PCDHGC4: variants seen among roughly 807,000 people sequenced by gnomAD.
PCDHGC4 encodes protocadherin gamma-C4.
In PCDHGC4, 15 loss-of-function variants were observed where a neutral mutation model predicts 59.7. The observed-to-expected ratio is 0.25, with a 90% confidence interval of 0.17 to 0.39. The LOEUF (loss-of-function observed/expected upper bound fraction) is 0.39. PCDHGC4 is among the 10% of genes least tolerant of loss of function. PCDHGC4 has a pLI of 1.00. For missense variants in PCDHGC4, 1,016 were observed against 1,189.5 expected (o/e 0.85, Z 2.15); for synonymous variants, 434 against 481.4 (o/e 0.90, Z 1.29).
rs11343387 is a variant in PCDHGC4 at position 141,497,209 on chromosome 5, TGG to T, written c.2501+2352_2501+2353del. On this transcript the variant is annotated intron_variant, in intron 2 of 3. Transcript: ENST00000306593. ...GAGGCAGAGAACAATGTGAGTGTAATGGGGGGGGGAAGATCAGAGAAGGCTTC... is the reference window on the plus strand; with the variant it reads ...GAGGCAGAGAACAATGTGAGTGTAATGGGGGGGAAGATCAGAGAAGGCTTC... Among the ~76,000 whole-genome samples the T allele has an allele frequency of 3.8e-3, 569 of 151,352 alleles. 5 individuals are homozygous for T. Among genetic ancestry groups the T allele is most frequent in the Admixed American group, 0.011 (162 of 15,190 alleles).
chr5:141,500,877 A>ATTT (rs369345007), intron 2 of PCDHGC4, among the ~76,000 whole-genome samples: 1 of 122,288 alleles, frequency 8.2e-6, no homozygotes, highest in Admixed American at 8.0e-5. Context: ...TTCATTTACA[A>ATTT]TTTTTTTTTT....
At chr5:141,502,534 C>T (rs565889110) in intron 2 of PCDHGC4, among the ~76,000 whole-genome samples, 10 of 152,074 alleles carry the variant, frequency 6.6e-5, no homozygotes, top group Non-Finnish European at 1.0e-4. Context: ...CGAGTTTGTT[C>T]GTGTGGTAAA....
In PCDHGC4 at chr5:141,486,645, C is replaced by G. The variant is rs369948556; in HGVS notation, c.1472C>G (p.Ser491Cys). ...GACTCTGGCTTGAATGCGCTTATCT[C>G]CTACTCACTCCTGGAGCCCAGGAAT... ...DPDSGLNALISYSLLEPRNRD... is the reference protein window; with the variant it reads ...DPDSGLNALICYSLLEPRNRD... The change falls in exon 1 of 4, where the codon TCC (serine) becomes TGC (cysteine). Residue 491 changes from serine (S) to cysteine (C), a missense_variant. Coordinates refer to ENST00000306593, the MANE Select transcript of PCDHGC4 (RefSeq NM_018928.3). The surrounding 1 kb of genome is among the most constrained non-coding windows in gnomAD (Gnocchi z 5.0). 4.3e-6 allele frequency: 7 copies of G among 1,613,752 alleles called. No individual in the cohort carries two copies. The Admixed American group carries it at 6.7e-5, about 15-fold the overall frequency.
intron 1 of PCDHGC4, among the ~76,000 whole-genome samples, chr5:141,488,434 C>T (rs1231743982): frequency 2.6e-5 from 4 of 152,166 alleles, no homozygotes; most frequent in African/African-American, 7.2e-5. Flanking sequence ...TGGCCTCTGA[C>T]CACCCTCCTG....
chr5:141,500,394 A>G (rs1024641290), intron 2 of PCDHGC4, among the ~76,000 whole-genome samples: 1 of 151,922 alleles, frequency 6.6e-6, no homozygotes, highest in Non-Finnish European at 1.5e-5. Flanking sequence ...TATTTTTAGT[A>G]GAGACGGGGT....
At position 141,491,733 on chromosome 5, in the gene PCDHGC4, TGGGGGCGGCAC is replaced by T; in HGVS notation, c.2443-3073_2443-3063del. 1.9e-6 allele frequency: 3 copies of T among 1,602,698 alleles called. No individual in the cohort carries two copies. The highest frequency in any genetic ancestry group is 2.6e-6 in the Non-Finnish European group (3 of 1,175,258). On this transcript the variant is annotated intron_variant, in intron 1 of 3. Coordinates refer to ENST00000306593, the MANE Select transcript of PCDHGC4 (RefSeq NM_018928.3). The surrounding 1 kb of genome is among the most constrained non-coding windows in gnomAD (Gnocchi z 6.9). ...GCTCGGCGCCGCCCCGGGCGACCCC[TGGGGGCGGCAC>T]TGGAGAAGCCGCCCGTCCTCATAAG...
chr5:141,490,363 C>A lies in PCDHGC4; in HGVS notation c.2442+2748C>A. The A allele has an allele frequency of 6.2e-7, 1 of 1,614,154 alleles. No individual in the cohort carries two copies. Among genetic ancestry groups the A allele is most frequent in the South Asian group, 1.1e-5 (1 of 91,078 alleles). On this transcript the variant is annotated intron_variant, in intron 1 of 3. Coordinates refer to ENST00000306593, the MANE Select transcript of PCDHGC4 (RefSeq NM_018928.3). The surrounding 1 kb of genome is among the most constrained non-coding windows in gnomAD (Gnocchi z 5.4). Reference sequence around the variant, plus strand: ...CACAGTAGTGGGGTTGTTTAATGTGCGAGACCGGGACTCAGGTAGAAATGG... The same window carrying A: ...CACAGTAGTGGGGTTGTTTAATGTGAGAGACCGGGACTCAGGTAGAAATGG...
intron 2 of PCDHGC4, among the ~76,000 whole-genome samples, chr5:141,502,908 C>G (rs1398336138): frequency 1.5e-5 from 2 of 132,418 alleles, no homozygotes; most frequent in Non-Finnish European, 3.0e-5. Flanking sequence ...TGTTGCCAGG[C>G]TGGAGTGCAG....
At position 141,486,182 on chromosome 5, in the gene PCDHGC4, C is replaced by G. The variant is rs1288782056; in HGVS notation, c.1009C>G (p.Arg337Gly). The change falls in exon 1 of 4, where the codon CGA becomes GGA. Residue 337 changes from arginine to glycine, a missense_variant. Physicochemically the swap from Arg to Gly is moderately radical, Grantham distance 125 (BLOSUM62 -2). Transcript: ENST00000306593. This position sits in a 1 kb window ranked among gnomAD's most constrained non-coding sequence, Gnocchi z 5.0. ...SPAMEQHCSL[R>G]VDLLDVNDNA... ...AGCCATGGAGCAACATTGCAGCCTT[C>G]GAGTGGATCTGCTGGACGTAAATGA... 1 of 1,614,198 alleles carries G rather than the reference C, an allele frequency of 6.2e-7. No individual in the cohort carries two copies. Among genetic ancestry groups the G allele is most frequent in the Non-Finnish European group, 8.5e-7 (1 of 1,180,028 alleles).
chr5:141,509,320 C>T (rs1261653347), intron 3 of PCDHGC4, among the ~76,000 whole-genome samples: 2 of 152,194 alleles, frequency 1.3e-5, no homozygotes, highest in East Asian at 3.8e-4. Flanking sequence ...GGGAGAGAAG[C>T]TCTACTGCCA....
In PCDHGC4 at chr5:141,489,523, C is replaced by CT. The variant is rs1379784656; in HGVS notation, c.2442+1909dup. On this transcript the variant is annotated intron_variant, in intron 1 of 3. Coordinates refer to ENST00000306593, the MANE Select transcript of PCDHGC4 (RefSeq NM_018928.3). The surrounding 1 kb of genome is among the most constrained non-coding windows in gnomAD (Gnocchi z 4.5). ...GAATCAAAAGATTGACCGAGAAAGC[C>CT]TATGTGGAGCCAGCACCAGCTGCCT... 1 of 1,614,006 alleles carries CT rather than the reference C, an allele frequency of 6.2e-7. No homozygotes were observed. Among genetic ancestry groups the CT allele is most frequent in the Non-Finnish European group, 8.5e-7 (1 of 1,180,044 alleles).
intron 3 of PCDHGC4, among the ~76,000 whole-genome samples, chr5:141,508,975 G>T (rs1360718244): frequency 2.6e-5 from 4 of 152,148 alleles, no homozygotes; most frequent in African/African-American, 7.2e-5. Context: ...AAGGGCTGGG[G>T]GTGGGGGCCA....
In PCDHGC4 at chr5:141,512,739, T is replaced by C. The variant is rs1251649814; in HGVS notation, c.*1566T>C. The stretch of plus-strand genomic sequence containing the variant: ...GGCGGGTGGGCAGCGGGCGGCGGGC[T>C]CCGCGCAGCCGTCTGTCCTTGATCT... On this transcript the variant is annotated 3_prime_UTR_variant, in exon 4 of 4. Transcript: ENST00000306593. 1 of 152,822 alleles carries C rather than the reference T, an allele frequency of 6.5e-6. No individual in the cohort carries two copies. The highest frequency in any genetic ancestry group is 2.4e-5 in the African/African-American group (1 of 41,464). 9.5% of individuals were successfully genotyped at this position (152,822 alleles called of 1,614,324 possible).
chr5:141,494,742 G>A (rs1223104681), intron 1 of PCDHGC4, 65 bp from the exon 2 acceptor site: 10 of 1,611,946 alleles, frequency 6.2e-6, no homozygotes, highest in Non-Finnish European at 8.5e-6. Context: ...CCCATCCCTA[G>A]GGGCTCGGGT....
chr5:141,500,232 G>A (rs1024752888), intron 2 of PCDHGC4, among the ~76,000 whole-genome samples: 1 of 137,690 alleles, frequency 7.3e-6, no homozygotes, highest in South Asian at 2.3e-4. Flanking sequence ...TTATTGATAC[G>A]TAGCCTTGCT....
At chr5:141,495,419 C>A (rs1434107823) in intron 2 of PCDHGC4, among the ~76,000 whole-genome samples, 1 of 152,228 alleles carries the variant, frequency 6.6e-6, no homozygotes, top group Non-Finnish European at 1.5e-5. Context: ...CCGGCCCCTC[C>A]TCCCACTGTC....
chr5:141,506,834 C>T (rs2099856597), intron 3 of PCDHGC4, among the ~76,000 whole-genome samples: 1 of 152,140 alleles, frequency 6.6e-6, no homozygotes, highest in Non-Finnish European at 1.5e-5. Flanking sequence ...ACTGATAGCC[C>T]TGCCCTCCAG....
In PCDHGC4 at chr5:141,485,132, T is replaced by C. The variant is rs1020670896; in HGVS notation, c.-42T>C. On this transcript the variant is annotated 5_prime_UTR_variant, in exon 1 of 4. Transcript: ENST00000306593. This position sits in a 1 kb window ranked among gnomAD's most constrained non-coding sequence, Gnocchi z 5.7. ...GGCTGTTTGGGGCGGGTCGGCTTCATCCGCGTCTCAGGAGCAAGTAGAGAA... is the reference window on the plus strand; with the variant it reads ...GGCTGTTTGGGGCGGGTCGGCTTCACCCGCGTCTCAGGAGCAAGTAGAGAA... 8.1e-6 allele frequency: 12 copies of C among 1,489,136 alleles called. No individual in the cohort carries two copies. Among genetic ancestry groups the C allele is most frequent in the East Asian group, 2.3e-5 (1 of 44,214 alleles). The allele number at this position is 1,489,136 out of a possible 1,614,324, so 92.2% of individuals were successfully genotyped here.
intron 3 of PCDHGC4, chr5:141,507,313 T>TAC (rs1554192306): frequency 6.7e-6 from 1 of 150,168 alleles, no homozygotes. Context: ...CATAATGTAC[T>TAC]AAAAAAAAAA....
Sources: allele counts gnomAD v4.1 joint callset (sites outside exome capture counted in the v4.1 genomes callset), GRCh38; gene constraint gnomAD v4.1.1; non-coding constraint Gnocchi (gnomAD v3.1); transcripts MANE v1.5; gene names NCBI Gene and HGNC (gene_info 2026-07-23, HGNC 2026-07-21).